COL26A1: variants seen among roughly 807,000 people sequenced by gnomAD.
COL26A1 encodes the protein collagen type XXVI alpha 1 chain, also known as collagen alpha-1(XXVI) chain.
In COL26A1, 41 loss-of-function variants were observed where a neutral mutation model predicts 59.3. That is an observed-to-expected ratio of 0.69 (90% CI 0.54 to 0.90). The LOEUF is 0.90. Ranked by LOEUF, COL26A1 falls within the 40% of genes least tolerant of loss-of-function variation. The probability of loss-of-function intolerance (pLI) is 0.00; values close to 1 mark genes in which losing one functional copy is unlikely to be tolerated. For missense variants in COL26A1, 612 were observed against 602.3 expected, an observed-to-expected ratio of 1.02 and a Z score of -0.17; for synonymous variants, 266 against 256.0, an observed-to-expected ratio of 1.04 and a Z score of -0.37.
At chr7:101,446,068 A>AAAAAAAAAAAAAAAAAAC (rs2130373233) in intron 2 of COL26A1, among the ~76,000 whole-genome samples, 2 of 150,354 alleles carry the variant, frequency 1.3e-5, no homozygotes, top group South Asian at 2.1e-4. Context: ...AAAAAAAAAA[A>AAAAAAAAAAAAAAAAAAC]AAGACAGTGA....
intron 1 of COL26A1, among the ~76,000 whole-genome samples, chr7:101,411,435 G>A (rs115427188): frequency 0.012 from 1,784 of 152,222 alleles, 13 homozygotes; most frequent in Middle Eastern, 0.044. Flanking sequence ...TGGGAGGGCA[G>A]GAGGGGCCGA....
At chr7:101,453,165 G>A (rs553839801) in intron 3 of COL26A1, among the ~76,000 whole-genome samples, 98 of 152,266 alleles carry the variant, frequency 6.4e-4, no homozygotes, top group African/African-American at 2.3e-3. Flanking sequence ...TCAGGAGTTC[G>A]AGACCAGCTT....
At chr7:101,500,057 T>A (rs1794669174) in intron 3 of COL26A1, among the ~76,000 whole-genome samples, 1 of 152,178 alleles carries the variant, frequency 6.6e-6, no homozygotes, top group African/African-American at 2.4e-5. Context: ...AGCTGTCTTG[T>A]TCTATGGAAT....
At chr7:101,554,866 C>A (rs1156509229) in intron 11 of COL26A1, among the ~76,000 whole-genome samples, 1 of 152,234 alleles carries the variant, frequency 6.6e-6, no homozygotes, top group Non-Finnish European at 1.5e-5. Flanking sequence ...GGACACGACA[C>A]TGACATCCCT....
At chr7:101,497,504 G>A (rs373903858) in intron 3 of COL26A1, among the ~76,000 whole-genome samples, 10 of 151,324 alleles carry the variant, frequency 6.6e-5, no homozygotes, top group East Asian at 5.9e-4. Flanking sequence ...GCAAAATCCC[G>A]TCTCTACAAA....
At chr7:101,378,785 G>A (rs1049312682) in intron 1 of COL26A1, among the ~76,000 whole-genome samples, 1 of 152,036 alleles carries the variant, frequency 6.6e-6, no homozygotes, top group Non-Finnish European at 1.5e-5. Flanking sequence ...AGGACTCTGC[G>A]GCATTTGTCC....
In COL26A1 at chr7:101,452,932, T is replaced by C. The variant is rs572209016; in HGVS notation, c.385+5145T>C. On this transcript the variant is annotated intron_variant, in intron 3 of 12. Coordinates refer to ENST00000313669, the MANE Select transcript of COL26A1 (RefSeq NM_001278563.3). ...GGCATCTGCCACCATGCCTGGCTAA[T>C]TATTGTATTTTTAGTAGAGACGGAG... 2.6e-5 allele frequency among the ~76,000 whole-genome samples: 4 copies of C among 152,224 alleles called. No individual in the cohort carries two copies. The South Asian group carries it at 8.3e-4, about 32-fold the overall frequency.
intron 3 of COL26A1, among the ~76,000 whole-genome samples, chr7:101,506,946 A>G (rs1396073146): frequency 7.0e-6 from 1 of 142,536 alleles, no homozygotes; most frequent in East Asian, 2.0e-4. Flanking sequence ...TTTCCCCCTC[A>G]CTCTATTGCC....
At chr7:101,494,127 C>CGTTTTGTTTTGTTTTGTTTT (rs148496430) in intron 3 of COL26A1, among the ~76,000 whole-genome samples, 6 of 151,512 alleles carry the variant, frequency 4.0e-5, no homozygotes, top group African/African-American at 1.5e-4. Context: ...ATTGCATTGT[C>CGTTTTGTTTTGTTTTGTTTT]GTTTTGTTTT....
chr7:101,415,567 TCCTGGTGC>T (rs1286321001), intron 1 of COL26A1, among the ~76,000 whole-genome samples: 3 of 152,194 alleles, frequency 2.0e-5, no homozygotes, highest in African/African-American at 7.2e-5. Flanking sequence ...AAACTAGGTT[TCCTGGTGC>T]CTGTGAGAAG....
chr7:101,466,723 T>G (rs1357068235), intron 3 of COL26A1, among the ~76,000 whole-genome samples: 1 of 151,774 alleles, frequency 6.6e-6, no homozygotes, highest in Non-Finnish European at 1.5e-5. Context: ...GACTGACTGA[T>G]TTTTGTATTT....
intron 3 of COL26A1, among the ~76,000 whole-genome samples, chr7:101,460,451 C>A (rs1372926974): frequency 6.6e-6 from 1 of 152,074 alleles, no homozygotes; most frequent in African/African-American, 2.4e-5. Flanking sequence ...TCTTTCCCAT[C>A]AGCACCTAAG....
rs1563007724 is a variant in COL26A1 at position 101,489,752 on chromosome 7, G to GTCTCTCTTTCTT, written c.385+41969_385+41980dup. Among the ~76,000 whole-genome samples, 15 of 25,384 alleles carry GTCTCTCTTTCTT rather than the reference G, an allele frequency of 5.9e-4. 3 individuals carry two copies. In the East Asian group the frequency reaches 6.5e-3, roughly 11 times the overall value. The allele number at this position is 25,384 out of a possible 152,430, so 16.7% of individuals were successfully genotyped here. ...CTCTCTCTTTCTCTCTTTCTTTCTT[G>GTCTCTCTTTCTT]TCTCTCTTTCTTTCTTTCTTTCTTT... On this transcript the variant is annotated intron_variant, in intron 3 of 12. Transcript: ENST00000313669.
intron 4 of COL26A1, among the ~76,000 whole-genome samples, chr7:101,533,520 C>T (rs967671823): frequency 6.6e-5 from 10 of 152,062 alleles, no homozygotes; most frequent in African/African-American, 1.2e-4. Context: ...GAAAAGACTC[C>T]GTGGAGGAGG....
chr7:101,521,625 C>T (rs180898133), intron 3 of COL26A1, among the ~76,000 whole-genome samples: 23 of 152,264 alleles, frequency 1.5e-4, no homozygotes, highest in Non-Finnish European at 2.4e-4. Flanking sequence ...GCCACAGCAG[C>T]AGCACATAGG....
chr7:101,506,605 T>C (rs954457473), intron 3 of COL26A1, among the ~76,000 whole-genome samples: 2 of 152,214 alleles, frequency 1.3e-5, no homozygotes, highest in African/African-American at 2.4e-5. Context: ...TCTGGGACAC[T>C]GGATCCCTTT....
intron 1 of COL26A1, chr7:101,388,970 A>T: frequency 3.4e-6 from 1 of 293,012 alleles, no homozygotes; most frequent in Non-Finnish European, 6.6e-6. Flanking sequence ...TTCCTCTGAC[A>T]AGGACAGGAT....
At chr7:101,524,137 G>C (rs891090923) in intron 3 of COL26A1, among the ~76,000 whole-genome samples, 1 of 151,950 alleles carries the variant, frequency 6.6e-6, no homozygotes, top group African/African-American at 2.4e-5. Flanking sequence ...CGGGCATGGT[G>C]GTGGGTGGCT....
rs1172180499 is a variant in COL26A1 at position 101,534,007 on chromosome 7, C to T, written c.447+864C>T. Among the ~76,000 whole-genome samples, 3 of 152,210 alleles carry T rather than the reference C, an allele frequency of 2.0e-5. No homozygotes were observed. In the East Asian group the frequency reaches 5.8e-4, roughly 29 times the overall value. ...GTGTCTGCCCCGATGGGGACAAGCC[C>T]CGTTCTCACCCAGAGGGCTTGGTAA... On this transcript the variant is annotated intron_variant, in intron 4 of 12. Coordinates refer to ENST00000313669, the MANE Select transcript of COL26A1 (RefSeq NM_001278563.3).
Sources: allele counts gnomAD v4.1 joint callset (sites outside exome capture counted in the v4.1 genomes callset), GRCh38; gene constraint gnomAD v4.1.1; transcripts MANE v1.5; gene names NCBI Gene and HGNC (gene_info 2026-07-23, HGNC 2026-07-21).